Variants in XKR4 observed in about 807,000 individuals in gnomAD.
XKR4 encodes the protein XK-related protein 4.
In XKR4, 12 loss-of-function variants were observed where a neutral mutation model predicts 53.9. The ratio of observed to expected loss-of-function variants is 0.22; its 90% CI spans 0.14 to 0.36. XKR4 has a LOEUF of 0.36. Ranked by LOEUF, XKR4 falls within the 10% of genes least tolerant of loss-of-function variation. The probability of loss-of-function intolerance (pLI) is 1.00; values close to 1 mark genes in which losing one functional copy is unlikely to be tolerated. For missense variants in XKR4, 799 were observed against 859.5 expected, an observed-to-expected ratio of 0.93 and a Z score of 0.88; for synonymous variants, 354 against 362.4, an observed-to-expected ratio of 0.98 and a Z score of 0.26.
chr8:55,212,180 T>G (rs1817740613), intron 1 of XKR4, among the ~76,000 whole-genome samples: 1 of 151,640 alleles, frequency 6.6e-6, no homozygotes. Flanking sequence ...AGATGAAGCC[T>G]CCAGGTGGCA....
chr8:55,126,898 A>G (rs1816474678), intron 1 of XKR4, among the ~76,000 whole-genome samples: 1 of 152,268 alleles, frequency 6.6e-6, no homozygotes, highest in Admixed American at 6.5e-5. Flanking sequence ...AGCCCAAGTA[A>G]TAACTTGCTA....
chr8:55,127,238 CTCTTTT>C (rs1816480005), intron 1 of XKR4, among the ~76,000 whole-genome samples: 1 of 39,844 alleles, frequency 2.5e-5, no homozygotes, highest in East Asian at 1.7e-3. Context: ...AGGTGCCTAA[CTCTTTT>C]TTTTTTTTTT....
At chr8:55,448,296 G>A (rs1301078815) in intron 2 of XKR4, among the ~76,000 whole-genome samples, 1 of 152,156 alleles carries the variant, frequency 6.6e-6, no homozygotes, top group Non-Finnish European at 1.5e-5. Flanking sequence ...TGGACTTCTA[G>A]CCAGAGAACA....
intron 2 of XKR4, among the ~76,000 whole-genome samples, chr8:55,417,995 G>A (rs1323044005): frequency 6.6e-6 from 1 of 152,194 alleles, no homozygotes; most frequent in Non-Finnish European, 1.5e-5. Context: ...AGCGATTTGG[G>A]TGCAGAAAAT....
chr8:55,403,275 G>T (rs1804635138), intron 2 of XKR4, among the ~76,000 whole-genome samples: 1 of 152,068 alleles, frequency 6.6e-6, no homozygotes, highest in Non-Finnish European at 1.5e-5. Flanking sequence ...TGCAAATTTT[G>T]CCTTTAGGGT....
At chr8:55,174,609 T>C (rs750013807) in intron 1 of XKR4, among the ~76,000 whole-genome samples, 1 of 152,314 alleles carries the variant, frequency 6.6e-6, no homozygotes, top group Admixed American at 6.5e-5. Flanking sequence ...CCTTCGTCCA[T>C]AGCTGAATGG....
At chr8:55,430,983 C>T (rs1805095458) in intron 2 of XKR4, among the ~76,000 whole-genome samples, 1 of 152,202 alleles carries the variant, frequency 6.6e-6, no homozygotes, top group East Asian at 1.9e-4. Flanking sequence ...CAGCCCCTAG[C>T]AGTTACCATG....
chr8:55,491,677 G>A (rs1236314251), intron 2 of XKR4, among the ~76,000 whole-genome samples: 1 of 151,674 alleles, frequency 6.6e-6, no homozygotes, highest in African/African-American at 2.4e-5. Flanking sequence ...GGGGAGAGGA[G>A]GGGGAACAGA....
At chr8:55,288,805 T>C (rs1296881712) in intron 1 of XKR4, among the ~76,000 whole-genome samples, 1 of 152,244 alleles carries the variant, frequency 6.6e-6, no homozygotes, top group Non-Finnish European at 1.5e-5. Context: ...TATTCCTTGA[T>C]AGCCACACTC....
At chr8:55,478,204 G>T (rs1056847376) in intron 2 of XKR4, among the ~76,000 whole-genome samples, 2 of 152,100 alleles carry the variant, frequency 1.3e-5, no homozygotes, top group South Asian at 4.1e-4. Context: ...CGGATCTCTT[G>T]GCAGAAACTC....
chr8:55,261,468 A>G (rs1818525127), intron 1 of XKR4, among the ~76,000 whole-genome samples: 2 of 152,236 alleles, frequency 1.3e-5, no homozygotes, highest in Admixed American at 1.3e-4. Context: ...GGGTGTAAGC[A>G]TTGATCCAAC....
intron 1 of XKR4, among the ~76,000 whole-genome samples, chr8:55,212,646 G>A (rs1817745446): frequency 6.6e-6 from 1 of 152,218 alleles, no homozygotes; most frequent in Non-Finnish European, 1.5e-5. Context: ...TGGTTGGGAA[G>A]CTTAGAATTT....
chr8:55,245,202 C>T (rs1346653347), intron 1 of XKR4, among the ~76,000 whole-genome samples: 4 of 152,048 alleles, frequency 2.6e-5, no homozygotes, highest in Admixed American at 6.5e-5. Flanking sequence ...CCACCATGCC[C>T]GGCCCTTTGC....
chr8:55,412,254 C>T (rs1412126133), intron 2 of XKR4, among the ~76,000 whole-genome samples: 3 of 152,026 alleles, frequency 2.0e-5, no homozygotes, highest in East Asian at 1.9e-4. Context: ...CCATGCACTG[C>T]GAAAATGTGA....
At chr8:55,278,461 T>C (rs1052511510) in intron 1 of XKR4, among the ~76,000 whole-genome samples, 7 of 152,154 alleles carry the variant, frequency 4.6e-5, no homozygotes, top group Non-Finnish European at 7.4e-5. Flanking sequence ...ATTTTTGTCC[T>C]AAAGATAGTA....
At chr8:55,177,037 CT>C (rs1817244822) in intron 1 of XKR4, among the ~76,000 whole-genome samples, 1 of 151,174 alleles carries the variant, frequency 6.6e-6, no homozygotes, top group Non-Finnish European at 1.5e-5. Flanking sequence ...CCTTCTTCTT[CT>C]TCTTTTTTTT....
chr8:55,296,346 TG>T (rs1819101299), intron 1 of XKR4, among the ~76,000 whole-genome samples: 1 of 152,222 alleles, frequency 6.6e-6, no homozygotes, highest in Admixed American at 6.5e-5. Context: ...AGTCTTTGAC[TG>T]AACGTCCATA....
chr8:55,231,125 G>A (rs1253585325), intron 1 of XKR4, among the ~76,000 whole-genome samples: 3 of 152,078 alleles, frequency 2.0e-5, no homozygotes, highest in South Asian at 2.1e-4. Context: ...TGATTGATTC[G>A]TTTATCTAAT....
intron 1 of XKR4, among the ~76,000 whole-genome samples, chr8:55,300,987 TTTTA>T (rs1012127456): frequency 6.6e-6 from 1 of 152,128 alleles, no homozygotes; most frequent in African/African-American, 2.4e-5. Flanking sequence ...CACTTTATTT[TTTTA>T]TTTATTTTTT....
Sources: gnomAD v4.1 joint callset for allele counts (sites outside exome capture counted in the v4.1 genomes callset) on GRCh38, gnomAD v4.1.1 for gene constraint, MANE v1.5 for transcripts, NCBI Gene and HGNC (gene_info 2026-07-23, HGNC 2026-07-21) for gene names.